Variants in AFP observed in about 807,000 individuals in gnomAD.
AFP encodes the protein alpha fetoprotein, also known as alpha-fetoprotein.
AFP carries 64 observed loss-of-function variants against 78.9 expected under a neutral mutation model. The ratio of observed to expected loss-of-function variants is 0.81; its 90% CI spans 0.66 to 1.00. AFP has a LOEUF of 1.00. Among genes scored for constraint, AFP ranks in the 50% least tolerant of loss-of-function variants. The pLI is 0.00. For synonymous variants in AFP, 254 were observed against 243.8 expected (o/e 1.04, Z -0.39); for missense variants, 689 against 703.8 (o/e 0.98, Z 0.24).
rs562183960 is a variant in AFP, at chr4:73,456,120, A to T, written c.*500A>T. ...TTTTCTCAATCTTGTTCAGTTCTCT[A>T]TTCACAGACATTTTAAAACATAAGA... is the stretch of plus-strand genomic sequence containing the variant. On this transcript the variant is annotated 3_prime_UTR_variant, in exon 15 of 15. Coordinates refer to ENST00000395792, the MANE Select transcript of AFP (RefSeq NM_001134.3). The T allele has an allele frequency of 2.0e-5, 3 of 153,704 alleles. No individual in the cohort carries two copies. The highest frequency in any genetic ancestry group is 7.2e-5 in the African/African-American group (3 of 41,486). The allele number at this position is 153,704 out of a possible 1,614,324, so 9.5% of individuals were successfully genotyped here. A position where few individuals can be genotyped will look rare whatever the true frequency, so the allele number is the denominator to read the frequency against.
At chr4:73,440,863 G>A (rs924056305) in intron 4 of AFP, 50 bp downstream of exon 4, 1 of 1,530,172 alleles carries the variant, frequency 6.5e-7, no homozygotes, top group Non-Finnish European at 9.0e-7. Context: ...CACAGCAATG[G>A]CAAGCCTAAT....
At chr4:73,454,730 A>G (rs1377453278) in intron 13 of AFP, among the ~76,000 whole-genome samples, 1 of 152,176 alleles carries the variant, frequency 6.6e-6, no homozygotes, top group Non-Finnish European at 1.5e-5. Flanking sequence ...TAATATAATT[A>G]GATGCATTTG....
chr4:73,438,482 T>C (rs1719575436), intron 3 of AFP, among the ~76,000 whole-genome samples, 176 bp downstream of exon 3: 1 of 152,136 alleles, frequency 6.6e-6, no homozygotes, highest in South Asian at 2.1e-4. Context: ...CAATAGGTAG[T>C]TATTATAAAG....
At chr4:73,450,536 A>G (rs1394211797) in intron 10 of AFP, 79 bp from the exon 11 acceptor site, 1 of 1,598,158 alleles carries the variant, frequency 6.3e-7, no homozygotes, top group African/African-American at 1.3e-5. Flanking sequence ...ATGAGAGTAG[A>G]GAGTCTGTGA....
chr4:73,450,044 A>G lies in AFP; in HGVS notation c.1200A>G (p.Glu400=). ...PLECQDKGEE[E]LQKYIQESQA... is the part of the protein sequence containing the mutation. The stretch of plus-strand genomic sequence containing the variant: ...TAATTCTTCATTTTCAGGAAGAAGA[A>G]TTACAGAAATACATCCAGGAGAGCC... The change falls in exon 10 of 15, where the codon GAA becomes GAG. Residue 400 remains glutamate (E), a synonymous_variant. Coordinates refer to ENST00000395792, the MANE Select transcript of AFP (RefSeq NM_001134.3). 6.2e-7 allele frequency: 1 copy of G among 1,612,524 alleles called. No individual in the cohort carries two copies. Among genetic ancestry groups the G allele is most frequent in the Non-Finnish European group, 8.5e-7 (1 of 1,178,752 alleles).
intron 12 of AFP, among the ~76,000 whole-genome samples, chr4:73,452,921 A>C (rs1266743104): frequency 6.6e-6 from 1 of 152,202 alleles, no homozygotes; most frequent in East Asian, 1.9e-4. Context: ...ATTCTGAGGA[A>C]TTAGAGTGTA....
At chr4:73,438,372 T>C in intron 3 of AFP, 66 bp downstream of exon 3, 1 of 1,525,814 alleles carries the variant, frequency 6.6e-7, no homozygotes, top group Non-Finnish European at 8.9e-7. Flanking sequence ...GAAGAGAAGA[T>C]ACAAAAATAG....
intron 6 of AFP, among the ~76,000 whole-genome samples, chr4:73,443,855 T>C (rs1223113968): frequency 6.6e-6 from 1 of 152,184 alleles, no homozygotes; most frequent in Non-Finnish European, 1.5e-5. Flanking sequence ...TTGTGTTTCT[T>C]AATCTTCTAT....
chr4:73,447,209 T>C (rs544968284), intron 7 of AFP, among the ~76,000 whole-genome samples: 1 of 152,214 alleles, frequency 6.6e-6, no homozygotes, highest in South Asian at 2.1e-4. Flanking sequence ...ATTACTCTAT[T>C]ATTGCATTAA....
intron 5 of AFP, among the ~76,000 whole-genome samples, chr4:73,443,006 T>A (rs1352492533): frequency 2.6e-5 from 4 of 152,174 alleles, no homozygotes; most frequent in African/African-American, 7.2e-5. Context: ...ACAATCGTAT[T>A]TTTTGTAACT....
In AFP at chr4:73,451,909, C is replaced by T. The variant is rs35797141; in HGVS notation, c.1429-492C>T. Among the ~76,000 whole-genome samples the T allele has an allele frequency of 3.1e-3, 475 of 152,260 alleles. 1 individual carries two copies. Among genetic ancestry groups the T allele is most frequent in the Non-Finnish European group, 5.3e-3 (362 of 68,024 alleles). On this transcript the variant is annotated intron_variant, in intron 11 of 14. Coordinates refer to ENST00000395792, the MANE Select transcript of AFP (RefSeq NM_001134.3). ...TTCTACATTAGGAAAGTCTTAAAAA[C>T]CCACAAAATTGCTCTTACTTCTTTT...
In AFP at chr4:73,444,981, T is replaced by G. The variant is rs1290290221; in HGVS notation, c.714-12T>G. ...CCAAGAAATTAATTTCTAATTTCTT[T>G]TTTTTCCCTAGAACTGTTACTAAAC... On this transcript the variant is annotated splice_polypyrimidine_tract_variant and intron_variant, in intron 6 of 14. Coordinates refer to ENST00000395792, the MANE Select transcript of AFP (RefSeq NM_001134.3). 4 of 1,598,540 alleles carry G rather than the reference T, an allele frequency of 2.5e-6. No individual in the cohort carries two copies. Among genetic ancestry groups the G allele is most frequent in the Non-Finnish European group, 3.4e-6 (4 of 1,168,428 alleles).
intron 7 of AFP, 123 bp from the exon 8 acceptor site, chr4:73,447,339 T>A: frequency 1.5e-6 from 1 of 649,786 alleles, no homozygotes; most frequent in East Asian, 2.8e-5. Context: ...TCCTGGCCTT[T>A]TTTCCTTCTT....
intron 6 of AFP, among the ~76,000 whole-genome samples, chr4:73,443,896 T>A (rs1390647527): frequency 6.6e-6 from 1 of 152,144 alleles, no homozygotes; most frequent in African/African-American, 2.4e-5. Context: ...TTGCTTCCCA[T>A]AAAAATATTC....
In AFP at chr4:73,437,823, A is replaced by AT. The variant is rs528295808; in HGVS notation, c.138-342dup. ...CTGTTAGAGGTCTGTCTAATTACCAATTTTTTTTTGCTTAAATTTAAAAGT... is the reference window on the plus strand; with the variant it reads ...CTGTTAGAGGTCTGTCTAATTACCAATTTTTTTTTTGCTTAAATTTAAAAGT... On this transcript the variant is annotated intron_variant, in intron 2 of 14. Transcript: ENST00000395792. Among the ~76,000 whole-genome samples, 606 of 150,990 alleles carry AT rather than the reference A, an allele frequency of 4.0e-3. 5 individuals carry two copies. The highest frequency in any genetic ancestry group is 0.014 in the African/African-American group (581 of 41,282).
intron 3 of AFP, among the ~76,000 whole-genome samples, chr4:73,439,285 A>G (rs902007019): frequency 1.1e-4 from 16 of 152,154 alleles, no homozygotes; most frequent in Non-Finnish European, 1.9e-4. Flanking sequence ...GGTGGGGTTA[A>G]TTAGGTGGCT....
Position 73,452,555 on chromosome 4 carries a change from A to T in AFP, c.1583A>T (p.Asp528Val), listed in dbSNP as rs777205441. 1 of 1,614,044 alleles carries T rather than the reference A, an allele frequency of 6.2e-7. No homozygotes were observed. The highest frequency in any genetic ancestry group is 1.1e-5 in the South Asian group (1 of 91,080). ...ACATATGTCCCTCCTGCATTCTCTG[A>T]TGACAAGTTCATTTTCCATAAGGAT... ...DETYVPPAFS[D>V]DKFIFHKDLC... The change falls in exon 12 of 15, where the codon GAT (aspartate) becomes GTT (valine). Residue 528 changes from aspartate (D) to valine (V), a missense_variant. Transcript: ENST00000395792.
intron 4 of AFP, among the ~76,000 whole-genome samples, 171 bp from the exon 5 acceptor site, chr4:73,442,123 CAT>C (rs913986441): frequency 1.3e-5 from 2 of 152,102 alleles, no homozygotes; most frequent in Non-Finnish European, 2.9e-5. Flanking sequence ...ATTTTGACAA[CAT>C]GTGGAAAAAA....
At chr4:73,441,522 T>C (rs912717358) in intron 4 of AFP, among the ~76,000 whole-genome samples, 29 of 134,106 alleles carry the variant, frequency 2.2e-4, no homozygotes, top group Non-Finnish European at 3.5e-4. Flanking sequence ...GAGCCGAGAT[T>C]GCGCCACTGC....
Sources: gnomAD v4.1 joint callset for allele counts (sites outside exome capture counted in the v4.1 genomes callset) on GRCh38, gnomAD v4.1.1 for gene constraint, MANE v1.5 for transcripts, NCBI Gene and HGNC (gene_info 2026-07-23, HGNC 2026-07-21) for gene names.